The following SEMA6A variants were observed in gnomAD, a reference collection of about 807,000 sequenced individuals.
The protein encoded by SEMA6A is semaphorin-6A.
SEMA6A carries 25 observed loss-of-function variants against 96.8 expected under a neutral mutation model. The ratio of observed to expected loss-of-function variants is 0.26; its 90% CI spans 0.19 to 0.36. The LOEUF (loss-of-function observed/expected upper bound fraction) is 0.36, where lower values mean the gene tolerates loss of function less well. Ranked by LOEUF, SEMA6A falls within the 10% of genes least tolerant of loss-of-function variation. SEMA6A has a pLI of 1.00. For missense variants in SEMA6A, 1,363 were observed against 1,323.1 expected, an observed-to-expected ratio of 1.03 and a Z score of -0.47; for synonymous variants, 612 against 518.0, an observed-to-expected ratio of 1.18 and a Z score of -2.46.
Position 116,443,678 on chromosome 5 carries a change from A to T in SEMA6A, c.*2935T>A, listed in dbSNP as rs377151874. ...CAACATACATTAAGTCGTGAATCAGATGTTAGGGGATGTGGAGATGGAAGG... is the reference window on the plus strand; with the variant it reads ...CAACATACATTAAGTCGTGAATCAGTTGTTAGGGGATGTGGAGATGGAAGG... On this transcript the variant is annotated 3_prime_UTR_variant, in exon 19 of 19. Coordinates refer to ENST00000343348, the MANE Select transcript of SEMA6A (RefSeq NM_020796.5). 6.6e-6 allele frequency: 1 copy of T among 151,784 alleles called. No individual in the cohort carries two copies. Among genetic ancestry groups the T allele is most frequent in the East Asian group, 1.9e-4 (1 of 5,154 alleles). 9.4% of individuals were successfully genotyped at this position (151,784 alleles called of 1,614,324 possible). A position where few individuals can be genotyped will look rare whatever the true frequency, so the allele number is the denominator to read the frequency against.
chr5:116,475,524 TG>T lies in SEMA6A; in HGVS notation c.1708+20del. The T allele has an allele frequency of 6.4e-7, 1 of 1,558,850 alleles. No individual in the cohort carries two copies. Among genetic ancestry groups the T allele is most frequent in the Non-Finnish European group, 8.7e-7 (1 of 1,144,912 alleles). On this transcript the variant is annotated intron_variant, in intron 16 of 18. Coordinates refer to ENST00000343348, the MANE Select transcript of SEMA6A (RefSeq NM_020796.5). ...AAGCATCTTTGCCCAAAGATAAAAA[TG>T]GATAAAAGACTGTACTTACTGTGAC...
chr5:116,495,261 G>C (rs569905976), intron 6 of SEMA6A, among the ~76,000 whole-genome samples, 152 bp downstream of exon 6: 1 of 152,320 alleles, frequency 6.6e-6, no homozygotes, highest in South Asian at 2.1e-4. Flanking sequence ...AGCCTGCTTA[G>C]GATCACTCAT....
intron 15 of SEMA6A, among the ~76,000 whole-genome samples, chr5:116,476,354 T>C (rs563837725): frequency 1.5e-3 from 232 of 152,224 alleles, no homozygotes; most frequent in Non-Finnish European, 2.7e-3. Context: ...CATAATATAA[T>C]TGAAACTCTT....
intron 18 of SEMA6A, among the ~76,000 whole-genome samples, chr5:116,448,196 A>AAAAAAAAAT (rs780426357): frequency 0.039 from 5,376 of 137,880 alleles, 197 homozygotes; most frequent in Admixed American, 0.058. Context: ...AAAAAAAAAA[A>AAAAAAAAAT]TTAGCCAGGC....
intron 18 of SEMA6A, among the ~76,000 whole-genome samples, chr5:116,451,888 T>G (rs1356484041): frequency 6.6e-6 from 1 of 152,056 alleles, no homozygotes; most frequent in African/African-American, 2.4e-5. Context: ...AAATTAGTTC[T>G]GGGAAAAATC....
intron 18 of SEMA6A, among the ~76,000 whole-genome samples, chr5:116,455,992 A>T (rs1262552826): frequency 6.6e-6 from 1 of 152,210 alleles, no homozygotes; most frequent in Non-Finnish European, 1.5e-5. Flanking sequence ...CTCAATTAAT[A>T]ATGTAAGGAC....
intron 1 of SEMA6A, among the ~76,000 whole-genome samples, chr5:116,547,510 G>T (rs1423720427): frequency 6.6e-6 from 1 of 152,026 alleles, no homozygotes; most frequent in Non-Finnish European, 1.5e-5. Context: ...TATTTTTAAA[G>T]CATTCATCAT....
rs1755860765 is a variant in SEMA6A, at chr5:116,467,821, G to T, written c.1730-74C>A. The T allele has an allele frequency of 2.6e-6, 4 of 1,517,506 alleles. No homozygotes were observed. The Admixed American group carries it at 5.6e-5, about 21-fold the overall frequency. 94.0% of individuals were successfully genotyped at this position (1,517,506 alleles called of 1,614,324 possible). Reference sequence around the variant, plus strand: ...CATTCCCTTTGCGCAGAGGCCTGGAGGTGGGACACCCAAGCTGGCTGTAAG... The same window carrying T: ...CATTCCCTTTGCGCAGAGGCCTGGATGTGGGACACCCAAGCTGGCTGTAAG... On this transcript the variant is annotated intron_variant, in intron 17 of 18. Coordinates refer to ENST00000343348, the MANE Select transcript of SEMA6A (RefSeq NM_020796.5).
In SEMA6A at chr5:116,536,447, C is replaced by T. The variant is rs1759714015; in HGVS notation, c.-38-31465G>A. ...CCGAGTCATGGGAACTCAGTCCACA[C>T]AGTAACGCATTGCGAACTGTAAGTG... is the stretch of plus-strand genomic sequence containing the variant. On this transcript the variant is annotated intron_variant, in intron 1 of 18. Transcript: ENST00000343348. The T allele has an allele frequency of 2.0e-5, 3 of 152,132 alleles. No individual in the cohort carries two copies. In the South Asian group the frequency reaches 6.2e-4, roughly 31 times the overall value. The allele number at this position is 152,132 out of a possible 1,614,324, so 9.4% of individuals were successfully genotyped here.
intron 1 of SEMA6A, among the ~76,000 whole-genome samples, chr5:116,534,641 G>A (rs1314093452): frequency 1.3e-5 from 2 of 152,148 alleles, no homozygotes; most frequent in East Asian, 1.9e-4. Context: ...TCTTTTTAAT[G>A]TACCCCGTTC....
chr5:116,454,621 GA>G (rs1346787390), intron 18 of SEMA6A, among the ~76,000 whole-genome samples: 1 of 152,152 alleles, frequency 6.6e-6, no homozygotes, highest in Admixed American at 6.5e-5. Flanking sequence ...CAGTCGAGGT[GA>G]CCACGCTGAA....
At chr5:116,574,025 C>T (rs1761358018) in intron 1 of SEMA6A, among the ~76,000 whole-genome samples, 160 bp downstream of exon 1, 1 of 149,130 alleles carries the variant, frequency 6.7e-6, no homozygotes, top group African/African-American at 2.6e-5. Flanking sequence ...CTCACGGCTG[C>T]TCCCCCAGGA....
chr5:116,454,615 C>G (rs1754875855), intron 18 of SEMA6A, among the ~76,000 whole-genome samples: 1 of 152,062 alleles, frequency 6.6e-6, no homozygotes, highest in Non-Finnish European at 1.5e-5. Flanking sequence ...CCCAGCCAGT[C>G]GAGGTGACCA....
chr5:116,543,159 G>A (rs929883648), intron 1 of SEMA6A, among the ~76,000 whole-genome samples: 25 of 152,156 alleles, frequency 1.6e-4, no homozygotes, highest in African/African-American at 4.8e-4. Context: ...GACTATAACC[G>A]GATTCCTTGA....
chr5:116,504,889 C>G lies in SEMA6A; in HGVS notation c.56G>C (p.Gly19Ala). 6 of 1,604,676 alleles carry G rather than the reference C, an allele frequency of 3.7e-6. No individual in the cohort carries two copies. Among genetic ancestry groups the G allele is most frequent in the Non-Finnish European group, 5.1e-6 (6 of 1,175,536 alleles). Residue 19 changes from glycine to alanine, a missense_variant, in exon 2 of 19, where the codon GGT (glycine) becomes GCT (alanine). Gly to Ala is a moderately conservative substitution (Grantham distance 60). Transcript: ENST00000343348. The part of the protein sequence containing the change: ...YFTLLHFAGA[G>A]FPEDSEPISI... ...GATTGGCTCAGAATCTTCTGGGAAACCAGCCCCAGCAAAGTGTAGCAGTGT... is the reference window on the plus strand; with the variant it reads ...GATTGGCTCAGAATCTTCTGGGAAAGCAGCCCCAGCAAAGTGTAGCAGTGT...
chr5:116,515,598 C>T (rs530712612), intron 1 of SEMA6A, among the ~76,000 whole-genome samples: 20 of 152,244 alleles, frequency 1.3e-4, no homozygotes, highest in Admixed American at 1.1e-3. Context: ...TTCCACATAC[C>T]TTTGTCAAAG....
intron 18 of SEMA6A, among the ~76,000 whole-genome samples, chr5:116,461,628 C>G (rs943866359): frequency 6.6e-6 from 1 of 152,148 alleles, no homozygotes; most frequent in African/African-American, 2.4e-5. Context: ...AGGGAAAGAA[C>G]TGAAGGAAAG....
At chr5:116,509,301 A>G (rs1024194995) in intron 1 of SEMA6A, among the ~76,000 whole-genome samples, 2 of 152,250 alleles carry the variant, frequency 1.3e-5, no homozygotes, top group African/African-American at 4.8e-5. Context: ...AAATGATAAT[A>G]GTGGCACTAT....
In SEMA6A at chr5:116,478,233, G is replaced by A. The variant is rs1024435415; in HGVS notation, c.1428-79C>T. 1.5e-5 allele frequency: 22 copies of A among 1,496,700 alleles called. No homozygotes were observed. In the Admixed American group the frequency reaches 1.8e-4, roughly 12 times the overall value. 92.7% of individuals were successfully genotyped at this position (1,496,700 alleles called of 1,614,324 possible). A position where few individuals can be genotyped will look rare whatever the true frequency, so the allele number is the denominator to read the frequency against. On this transcript the variant is annotated intron_variant, in intron 13 of 18. Transcript: ENST00000343348. ...CCCCACCCTCACATCCCACTTCCCA[G>A]CCCACAAGGCAATCTCTTAATCTAA...
Sources: allele counts gnomAD v4.1 joint callset (sites outside exome capture counted in the v4.1 genomes callset), GRCh38; gene constraint gnomAD v4.1.1; transcripts MANE v1.5; gene names NCBI Gene and HGNC (gene_info 2026-07-23, HGNC 2026-07-21).